Variants in VPS4B observed in about 807,000 individuals in gnomAD.
VPS4B encodes the protein vacuolar protein sorting 4 homolog B, also known as vacuolar protein sorting-associated protein 4B.
Under a neutral mutation model 56.1 loss-of-function variants are expected in VPS4B, and 23 were observed. That is an observed-to-expected ratio of 0.41 (90% CI 0.30 to 0.58). The LOEUF (loss-of-function observed/expected upper bound fraction) is 0.58, where lower values mean the gene tolerates loss of function less well. VPS4B is among the 20% of genes least tolerant of loss of function. The pLI, the probability that VPS4B is intolerant of heterozygous loss-of-function variation, is 0.29. For missense variants in VPS4B, 372 were observed against 531.9 expected (o/e 0.70, Z 2.96); for synonymous variants, 177 against 186.0 (o/e 0.95, Z 0.39).
intron 5 of VPS4B, among the ~76,000 whole-genome samples, chr18:63,402,091 A>G (rs1915825151): frequency 6.6e-6 from 1 of 152,214 alleles, no homozygotes; most frequent in African/African-American, 2.4e-5. Context: ...GCAGATGAAT[A>G]ACACTGTTTC....
chr18:63,405,350 A>G (rs970666798), intron 4 of VPS4B, among the ~76,000 whole-genome samples: 1 of 152,192 alleles, frequency 6.6e-6, no homozygotes, highest in Non-Finnish European at 1.5e-5. Flanking sequence ...TTTAATTTTA[A>G]CAAATATACA....
At chr18:63,420,573 A>T (rs1270941977) in intron 1 of VPS4B, among the ~76,000 whole-genome samples, 1 of 152,236 alleles carries the variant, frequency 6.6e-6, no homozygotes, top group African/African-American at 2.4e-5. Flanking sequence ...CGATGACAAG[A>T]TGGGCACTTC....
At chr18:63,418,107 A>C (rs972679050) in intron 1 of VPS4B, among the ~76,000 whole-genome samples, 3 of 152,062 alleles carry the variant, frequency 2.0e-5, no homozygotes, top group African/African-American at 7.2e-5. Context: ...CAGCAGAAAA[A>C]TGTGTTGTCC....
At chr18:63,415,735 T>C (rs1171735931) in intron 1 of VPS4B, 10 of 238,608 alleles carry the variant, frequency 4.2e-5, no homozygotes, top group African/African-American at 2.1e-4. Flanking sequence ...ATGGAGCTGA[T>C]GACAGATGGC....
At chr18:63,417,315 C>T (rs1228548267) in intron 1 of VPS4B, among the ~76,000 whole-genome samples, 1 of 152,160 alleles carries the variant, frequency 6.6e-6, no homozygotes, top group Non-Finnish European at 1.5e-5. Flanking sequence ...ATTCTCTTTC[C>T]TGTATCACAT....
intron 4 of VPS4B, among the ~76,000 whole-genome samples, chr18:63,405,959 C>G (rs988170656): frequency 6.6e-6 from 1 of 151,842 alleles, no homozygotes; most frequent in Non-Finnish European, 1.5e-5. Flanking sequence ...GCACTCCAGC[C>G]TGGGCAACAC....
intron 1 of VPS4B, among the ~76,000 whole-genome samples, chr18:63,421,642 T>C (rs112825223): frequency 2.0e-5 from 3 of 152,328 alleles, no homozygotes; most frequent in African/African-American, 7.2e-5. Context: ...ACTGTGCTCA[T>C]TGCGGTAGAG....
At chr18:63,412,711 G>A (rs9949671) in intron 1 of VPS4B, among the ~76,000 whole-genome samples, 2,879 of 152,110 alleles carry the variant, frequency 0.019, 66 homozygotes, top group African/African-American at 0.06. Flanking sequence ...TTGTTGAGAC[G>A]GGGCTCCATC....
At chr18:63,400,478 A>G in intron 6 of VPS4B, 69 bp downstream of exon 6, 1 of 1,459,652 alleles carries the variant, frequency 6.9e-7, no homozygotes, top group Non-Finnish European at 9.2e-7. Flanking sequence ...TGATGTAAGA[A>G]ATCTATTAAG....
At chr18:63,394,469 CTTT>C (rs554481058) in intron 9 of VPS4B, among the ~76,000 whole-genome samples, 2 of 143,004 alleles carry the variant, frequency 1.4e-5, no homozygotes, top group Non-Finnish European at 3.1e-5. Context: ...GGAGGCACTT[CTTT>C]TTTTTTTTTT....
intron 9 of VPS4B, among the ~76,000 whole-genome samples, chr18:63,394,202 C>T (rs1230514590): frequency 6.6e-6 from 1 of 152,032 alleles, no homozygotes; most frequent in African/African-American, 2.4e-5. Context: ...AGACCAAAAA[C>T]AGATATATTA....
chr18:63,399,201 C>A (rs756120930), intron 8 of VPS4B, 41 bp downstream of exon 8: 2 of 1,497,070 alleles, frequency 1.3e-6, no homozygotes, highest in Admixed American at 1.8e-5. Flanking sequence ...CTACTTGTTA[C>A]ATCTGCAGTG....
chr18:63,392,927 G>A (rs1915585631), intron 10 of VPS4B, among the ~76,000 whole-genome samples: 1 of 151,864 alleles, frequency 6.6e-6, no homozygotes, highest in Admixed American at 6.6e-5. Flanking sequence ...TGTATTTTTA[G>A]GAGAGATGGC....
chr18:63,399,436 G>A, intron 7 of VPS4B, 113 bp from the exon 8 acceptor site: 1 of 879,402 alleles, frequency 1.1e-6, no homozygotes, highest in Non-Finnish European at 1.8e-6. Flanking sequence ...GCTTCATCTT[G>A]AGAGTCTGTC....
At chr18:63,415,081 C>T (rs1378389779) in intron 1 of VPS4B, among the ~76,000 whole-genome samples, 4 of 152,132 alleles carry the variant, frequency 2.6e-5, no homozygotes, top group Non-Finnish European at 5.9e-5. Flanking sequence ...AACCTTTAAT[C>T]GAAGACGATG....
rs150097813 is a variant in VPS4B at position 63,414,867 on chromosome 18, A to C, written c.28-3289T>G. Among the ~76,000 whole-genome samples the C allele has an allele frequency of 1.6e-3, 241 of 152,336 alleles. 1 individual carries two copies. Among genetic ancestry groups the C allele is most frequent in the African/African-American group, 5.4e-3 (225 of 41,578 alleles). Reference sequence around the variant, plus strand: ...TCACTGAGGCACCACACTGATTTTTATTAAGTTAAATCTCTTATACTGCAG... The same window carrying C: ...TCACTGAGGCACCACACTGATTTTTCTTAAGTTAAATCTCTTATACTGCAG... On this transcript the variant is annotated intron_variant, in intron 1 of 10. Transcript: ENST00000238497.
intron 3 of VPS4B, among the ~76,000 whole-genome samples, chr18:63,409,316 A>G (rs1047579292): frequency 2.0e-5 from 3 of 152,250 alleles, no homozygotes; most frequent in African/African-American, 7.2e-5. Flanking sequence ...GGTCTGTGGT[A>G]GCAGCCACGA....
In VPS4B at chr18:63,392,650, G is replaced by A. The variant is rs11152380; in HGVS notation, c.1233+759C>T. ...TTTTTAGTAGAGATGGGGTTTCACC[G>A]TGTTGGCCAGGATGGTCTCGATCTC... On this transcript the variant is annotated intron_variant, in intron 10 of 10. Transcript: ENST00000238497. 9.2e-5 allele frequency among the ~76,000 whole-genome samples: 14 copies of A among 152,008 alleles called. No individual in the cohort carries two copies. In the East Asian group the frequency reaches 1.4e-3, roughly 15 times the overall value.
chr18:63,393,403 T>G lies in VPS4B; in HGVS notation c.1233+6A>C, dbSNP rs375137134. Reference sequence around the variant, plus strand: ...TATTTTCTTAAAAACAAACAAAATTTCAAACCATGGAAACAACTGGCTCCA... The same window carrying G: ...TATTTTCTTAAAAACAAACAAAATTGCAAACCATGGAAACAACTGGCTCCA... On this transcript the variant is annotated splice_donor_region_variant and intron_variant, in intron 10 of 10. Coordinates refer to ENST00000238497, the MANE Select transcript of VPS4B (RefSeq NM_004869.4). The G allele has an allele frequency of 1.5e-5, 23 of 1,580,272 alleles. No individual in the cohort carries two copies. The highest frequency in any genetic ancestry group is 1.8e-5 in the Non-Finnish European group (21 of 1,168,042).
Sources: gnomAD v4.1 joint callset for allele counts (sites outside exome capture counted in the v4.1 genomes callset) on GRCh38, gnomAD v4.1.1 for gene constraint, MANE v1.5 for transcripts, NCBI Gene and HGNC (gene_info 2026-07-23, HGNC 2026-07-21) for gene names.